TUSC3: variants seen among roughly 807,000 people sequenced by gnomAD.
The protein encoded by TUSC3 is tumor suppressor candidate 3.
A neutral mutation model predicts 44.8 loss-of-function variants in TUSC3; 45 were observed. The observed-to-expected ratio is 1.00, with a 90% confidence interval of 0.79 to 1.29. The LOEUF (loss-of-function observed/expected upper bound fraction) is 1.29, where lower values mean the gene tolerates loss of function less well. Among genes scored for constraint, TUSC3 ranks in the 50% most tolerant of loss-of-function variants. TUSC3 has a pLI of 0.00. For synonymous variants in TUSC3, 212 were observed against 152.9 expected (o/e 1.39, Z -2.85); for missense variants, 519 against 437.9 (o/e 1.19, Z -1.65).
intron 1 of TUSC3, among the ~76,000 whole-genome samples, chr8:15,574,193 T>C (rs1803000394): frequency 6.6e-6 from 1 of 152,116 alleles, no homozygotes; most frequent in Admixed American, 6.6e-5. Flanking sequence ...CCCTCAGTAA[T>C]TTATAGTATC....
intron 9 of TUSC3, among the ~76,000 whole-genome samples, chr8:15,756,628 T>C (rs1421237): frequency 0.073 from 11,087 of 152,210 alleles, 708 homozygotes; most frequent in African/African-American, 0.17. Context: ...CATCATATAC[T>C]TGTTAGTTGA....
the TUSC3 span, among the ~76,000 whole-genome samples, chr8:15,815,112 T>G: frequency 6.6e-6 from 1 of 152,182 alleles, no homozygotes; most frequent in Non-Finnish European, 1.5e-5. Flanking sequence ...CAATGTAGTG[T>G]AATAAAATGT....
intron 1 of TUSC3, among the ~76,000 whole-genome samples, chr8:15,456,664 C>T (rs1800260583): frequency 6.6e-6 from 1 of 151,706 alleles, no homozygotes. Context: ...AATGAAAATT[C>T]AATAAATGAA....
At chr8:15,649,962 G>T (rs190073304) in intron 2 of TUSC3, among the ~76,000 whole-genome samples, 4 of 152,080 alleles carry the variant, frequency 2.6e-5, no homozygotes, top group Non-Finnish European at 5.9e-5. Context: ...TTCTATTACT[G>T]CATTTACATC....
At chr8:15,475,682 T>C (rs183456519) in intron 1 of TUSC3, among the ~76,000 whole-genome samples, 1 of 152,300 alleles carries the variant, frequency 6.6e-6, no homozygotes, top group East Asian at 1.9e-4. Context: ...ATCATTTTGG[T>C]TTTACATGAA....
At chr8:15,639,667 T>C (rs566109502) in intron 2 of TUSC3, among the ~76,000 whole-genome samples, 3 of 152,298 alleles carry the variant, frequency 2.0e-5, no homozygotes, top group African/African-American at 7.2e-5. Flanking sequence ...GCATTTATTC[T>C]TGGTTTCAAT....
At chr8:15,585,395 G>T (rs1803554344) in intron 1 of TUSC3, among the ~76,000 whole-genome samples, 1 of 152,158 alleles carries the variant, frequency 6.6e-6, no homozygotes, top group Admixed American at 6.5e-5. Context: ...TCATGACCTA[G>T]AGAAGTAAGA....
chr8:15,435,737 T>C (rs1799937717), intron 1 of TUSC3, among the ~76,000 whole-genome samples: 1 of 152,222 alleles, frequency 6.6e-6, no homozygotes, highest in African/African-American at 2.4e-5. Context: ...TAAGGATTTT[T>C]AAGGAATTTA....
intron 6 of TUSC3, among the ~76,000 whole-genome samples, chr8:15,685,284 T>C (rs887611000): frequency 1.3e-5 from 2 of 152,074 alleles, no homozygotes; most frequent in African/African-American, 2.4e-5. Flanking sequence ...TCCTCAGGTC[T>C]GGTTCAGTAC....
chr8:15,752,429 C>G (rs1585304430), intron 9 of TUSC3, among the ~76,000 whole-genome samples: 1 of 151,954 alleles, frequency 6.6e-6, no homozygotes, highest in East Asian at 1.9e-4. Context: ...GATATATACA[C>G]AAAAGGAAAT....
At chr8:15,665,751 A>G (rs1807628600) in intron 5 of TUSC3, among the ~76,000 whole-genome samples, 1 of 151,464 alleles carries the variant, frequency 6.6e-6, no homozygotes, top group Admixed American at 6.6e-5. Flanking sequence ...AAACATACAT[A>G]TACGTTAGAA....
chr8:15,561,228 G>C (rs1284643168), intron 1 of TUSC3, among the ~76,000 whole-genome samples: 1 of 141,988 alleles, frequency 7.0e-6, no homozygotes, highest in Non-Finnish European at 1.5e-5. Flanking sequence ...TAACAGACAG[G>C]ACCCTCAGCT....
At chr8:15,775,940 A>G in the TUSC3 span, among the ~76,000 whole-genome samples, 1 of 151,902 alleles carries the variant, frequency 6.6e-6, no homozygotes, top group East Asian at 1.9e-4. Flanking sequence ...CCAATGCAGA[A>G]AAAGGAAACA....
intron 7 of TUSC3, among the ~76,000 whole-genome samples, chr8:15,739,999 C>T (rs565871755): frequency 6.6e-6 from 1 of 152,086 alleles, no homozygotes; most frequent in African/African-American, 2.4e-5. Flanking sequence ...AGTTCTTGCC[C>T]TTTTGGAGCT....
At chr8:15,653,152 G>C (rs1806992376) in intron 3 of TUSC3, among the ~76,000 whole-genome samples, 1 of 152,068 alleles carries the variant, frequency 6.6e-6, no homozygotes, top group African/African-American at 2.4e-5. Flanking sequence ...CCATGCATCT[G>C]ATCCTTGGTG....
At chr8:15,559,086 T>G (rs866686746) in intron 1 of TUSC3, among the ~76,000 whole-genome samples, 5 of 145,730 alleles carry the variant, frequency 3.4e-5, no homozygotes, top group South Asian at 2.3e-4. Context: ...TTCTTTTAAT[T>G]GTGATGTTAG....
chr8:15,738,827 C>CTTTTTTTTTTCTTTT (rs1373248681), intron 7 of TUSC3, among the ~76,000 whole-genome samples: 3 of 87,196 alleles, frequency 3.4e-5, no homozygotes, highest in South Asian at 3.8e-4. Context: ...ATATATCTTG[C>CTTTTTTTTTTCTTTT]TTTTTTTTTT....
chr8:15,516,883 A>T (rs1312283158), intron 2 of TUSC3, among the ~76,000 whole-genome samples: 7 of 152,204 alleles, frequency 4.6e-5, no homozygotes, highest in African/African-American at 1.7e-4. Context: ...TAGAATGTTC[A>T]TATTATTTCC....
intron 1 of TUSC3, among the ~76,000 whole-genome samples, chr8:15,589,075 C>G (rs1384408302): frequency 6.6e-6 from 1 of 151,586 alleles, no homozygotes; most frequent in African/African-American, 2.4e-5. Context: ...TTCTTTGTCT[C>G]TTCTTATTTT....
Sources: allele counts gnomAD v4.1 joint callset (sites outside exome capture counted in the v4.1 genomes callset), GRCh38; gene constraint gnomAD v4.1.1; transcripts MANE v1.5; gene names NCBI Gene and HGNC (gene_info 2026-07-23, HGNC 2026-07-21).